CCDC88C: variants seen among roughly 807,000 people sequenced by gnomAD.
CCDC88C encodes coiled-coil and HOOK domain protein 88C, also known as protein Daple.
In CCDC88C, 131 loss-of-function variants were observed where a neutral mutation model predicts 198.8. The ratio of observed to expected loss-of-function variants is 0.66; its 90% CI spans 0.57 to 0.76. The LOEUF (loss-of-function observed/expected upper bound fraction) is 0.76, where lower values mean the gene tolerates loss of function less well. CCDC88C is among the 30% of genes least tolerant of loss of function. The pLI is 0.00. For synonymous variants in CCDC88C, 1,166 were observed against 1,114.7 expected (o/e 1.05, Z -0.92); for missense variants, 2,553 against 2,631.6 (o/e 0.97, Z 0.65).
chr14:91,301,185 G>A (rs949156528), intron 20 of CCDC88C, among the ~76,000 whole-genome samples: 12 of 152,324 alleles, frequency 7.9e-5, no homozygotes, highest in Admixed American at 2.6e-4. Flanking sequence ...GTGGGTGAGC[G>A]TCTCCGATTT....
At chr14:91,285,868 A>G in intron 25 of CCDC88C, 1 of 1,184,104 alleles carries the variant, frequency 8.4e-7, no homozygotes, top group Non-Finnish European at 1.1e-6. Flanking sequence ...AACCCAAAGG[A>G]GGAAGGAAAA....
In CCDC88C at chr14:91,325,767, C is replaced by T. The variant is rs1892558552; in HGVS notation, c.1197+143G>A. 1 of 714,518 alleles carries T rather than the reference C, an allele frequency of 1.4e-6. No individual in the cohort carries two copies. The highest frequency in any genetic ancestry group is 2.3e-6 in the Non-Finnish European group (1 of 442,562). The allele number at this position is 714,518 out of a possible 1,614,324, so 44.3% of individuals were successfully genotyped here. A position where few individuals can be genotyped will look rare whatever the true frequency, so the allele number is the denominator to read the frequency against. The stretch of plus-strand genomic sequence containing the variant: ...TTATTTAGTTTTCGTAGAGATGGGG[C>T]CTCGCTAGGTTGCCAGGGTTAGAAC... On this transcript the variant is annotated intron_variant, in intron 11 of 29. Transcript: ENST00000389857. This position sits in a 1 kb window ranked among gnomAD's most constrained non-coding sequence, Gnocchi z 4.1.
chr14:91,308,891 G>A (rs1435088433), intron 16 of CCDC88C, among the ~76,000 whole-genome samples: 1 of 152,134 alleles, frequency 6.6e-6, no homozygotes, highest in Non-Finnish European at 1.5e-5. Context: ...GGATCTTCTC[G>A]GTTACAAGTC....
intron 3 of CCDC88C, among the ~76,000 whole-genome samples, chr14:91,375,047 A>G (rs1364095314): frequency 6.6e-6 from 1 of 152,172 alleles, no homozygotes; most frequent in Non-Finnish European, 1.5e-5. Context: ...AACTCTCTTC[A>G]CTAGTTACGA....
At position 91,352,644 on chromosome 14, in the gene CCDC88C, TAC is replaced by T. The variant is rs1007041046; in HGVS notation, c.340+6996_340+6997del. The stretch of plus-strand genomic sequence containing the variant: ...TGCAAATATGAAAATTATATATATA[TAC>T]ACACACACATATACACTTATACACA... On this transcript the variant is annotated intron_variant, in intron 4 of 29. Transcript: ENST00000389857. This position sits in a 1 kb window ranked among gnomAD's most constrained non-coding sequence, Gnocchi z 4.2. 2.0e-5 allele frequency among the ~76,000 whole-genome samples: 3 copies of T among 152,082 alleles called. No individual in the cohort carries two copies. The highest frequency in any genetic ancestry group is 6.5e-5 in the Admixed American group (1 of 15,276).
chr14:91,300,300 C>G (rs756770971), intron 20 of CCDC88C, among the ~76,000 whole-genome samples: 1 of 152,198 alleles, frequency 6.6e-6, no homozygotes, highest in African/African-American at 2.4e-5. Flanking sequence ...TCCTCCAGCC[C>G]GTTCTGTCTC....
At chr14:91,383,850 A>G (rs1319435392) in intron 3 of CCDC88C, among the ~76,000 whole-genome samples, 1 of 152,216 alleles carries the variant, frequency 6.6e-6, no homozygotes, top group Non-Finnish European at 1.5e-5. Context: ...CTTCTTTCTC[A>G]CTGTGAGGCA....
intron 4 of CCDC88C, among the ~76,000 whole-genome samples, chr14:91,353,849 A>G (rs1893923177): frequency 6.6e-6 from 1 of 152,208 alleles, no homozygotes; most frequent in South Asian, 2.1e-4. Flanking sequence ...GGGCATTCAG[A>G]CAGGACCCTG....
chr14:91,282,723 G>A (rs1890247154), intron 26 of CCDC88C, among the ~76,000 whole-genome samples: 1 of 152,110 alleles, frequency 6.6e-6, no homozygotes, highest in Non-Finnish European at 1.5e-5. Flanking sequence ...TTCAATACAG[G>A]ACACCTGCCT....
In CCDC88C at chr14:91,332,630, G is replaced by A. The variant is rs1391014840; in HGVS notation, c.1050+5375C>T. Among the ~76,000 whole-genome samples the A allele has an allele frequency of 3.3e-5, 5 of 152,180 alleles. No homozygotes were observed. In the East Asian group the frequency reaches 9.6e-4, roughly 29 times the overall value. On this transcript the variant is annotated intron_variant, in intron 10 of 29. Coordinates refer to ENST00000389857, the MANE Select transcript of CCDC88C (RefSeq NM_001080414.4). ...CCTGTCTGGGCGGACCTGGCCACCA[G>A]TGTCTCCCACTGTACCTGCAAGTGC...
chr14:91,404,826 G>C (rs897837394), intron 3 of CCDC88C, among the ~76,000 whole-genome samples: 2 of 152,080 alleles, frequency 1.3e-5, no homozygotes, highest in African/African-American at 4.8e-5. Context: ...TTAGCCAGGA[G>C]TGGTGGCAGG....
chr14:91,370,029 AG>A (rs1185920953), intron 3 of CCDC88C, among the ~76,000 whole-genome samples: 1 of 152,266 alleles, frequency 6.6e-6, no homozygotes, highest in Non-Finnish European at 1.5e-5. Flanking sequence ...GTTCACAGAA[AG>A]GAAAACAAAT....
intron 27 of CCDC88C, 143 bp downstream of exon 27, chr14:91,281,314 G>A (rs1596017570): frequency 1.3e-6 from 2 of 1,531,602 alleles, no homozygotes; most frequent in East Asian, 2.5e-5. Flanking sequence ...GCCCCCTGGG[G>A]AGGGGAAGGA....
At chr14:91,283,657 G>A in intron 25 of CCDC88C, 140 bp from the exon 26 acceptor site, 2 of 808,316 alleles carry the variant, frequency 2.5e-6, no homozygotes, top group Non-Finnish European at 3.8e-6. Context: ...CTCTCGGGCT[G>A]CAACTTAAAT....
At chr14:91,296,762 C>T (rs957649780) in intron 22 of CCDC88C, among the ~76,000 whole-genome samples, 15 of 152,206 alleles carry the variant, frequency 9.9e-5, no homozygotes, top group South Asian at 2.1e-4. Context: ...GTGAGACCTA[C>T]GTGCTCCTCC....
rs918346164 is a variant in CCDC88C, at chr14:91,326,116, G to A, written c.1051-60C>T. On this transcript the variant is annotated intron_variant, in intron 10 of 29. Coordinates refer to ENST00000389857, the MANE Select transcript of CCDC88C (RefSeq NM_001080414.4). ...TAAAGGCACCTGGGTCATTAGGATG[G>A]AATTCTAAAACCAAAACTCTTTCAG... 25 of 1,505,892 alleles carry A rather than the reference G, an allele frequency of 1.7e-5. No individual in the cohort carries two copies. In the Admixed American group the frequency reaches 2.2e-4, roughly 14 times the overall value. 93.3% of individuals were successfully genotyped at this position (1,505,892 alleles called of 1,614,324 possible). A position where few individuals can be genotyped will look rare whatever the true frequency, so the allele number is the denominator to read the frequency against.
intron 4 of CCDC88C, among the ~76,000 whole-genome samples, chr14:91,355,178 G>A (rs1386084740): frequency 6.6e-6 from 1 of 152,208 alleles, no homozygotes; most frequent in Non-Finnish European, 1.5e-5. Flanking sequence ...AAGCAGGGGA[G>A]CTGGTGGTGG....
intron 3 of CCDC88C, among the ~76,000 whole-genome samples, chr14:91,402,831 A>G (rs1421209735): frequency 6.6e-6 from 1 of 152,204 alleles, no homozygotes; most frequent in Non-Finnish European, 1.5e-5. Flanking sequence ...TCTTCAAAAC[A>G]ATAAAGGAAA....
At chr14:91,282,790 G>C (rs975396960) in intron 26 of CCDC88C, among the ~76,000 whole-genome samples, 1 of 152,158 alleles carries the variant, frequency 6.6e-6, no homozygotes, top group Non-Finnish European at 1.5e-5. Flanking sequence ...GCCAGGTGTA[G>C]TGGCTCAACA....
Sources: allele counts gnomAD v4.1 joint callset (sites outside exome capture counted in the v4.1 genomes callset), GRCh38; gene constraint gnomAD v4.1.1; non-coding constraint Gnocchi (gnomAD v3.1); transcripts MANE v1.5; gene names NCBI Gene and HGNC (gene_info 2026-07-23, HGNC 2026-07-21).